The following DNM3 variants were observed in gnomAD, a reference collection of about 807,000 sequenced individuals.
DNM3 encodes the protein dynamin 3.
In DNM3, 47 loss-of-function variants were observed where a neutral mutation model predicts 101.6. That is an observed-to-expected ratio of 0.46 (90% confidence interval 0.37 to 0.59). The LOEUF (loss-of-function observed/expected upper bound fraction) is 0.59, where lower values mean the gene tolerates loss of function less well. DNM3 is among the 20% of genes least tolerant of loss of function. The pLI is 0.00. For missense variants in DNM3, 849 were observed against 1,085.7 expected, an observed-to-expected ratio of 0.78 and a Z score of 3.06; for synonymous variants, 385 against 387.9, an observed-to-expected ratio of 0.99 and a Z score of 0.09.
At chr1:172,145,762 T>C (rs2057860376) in intron 14 of DNM3, among the ~76,000 whole-genome samples, 1 of 152,172 alleles carries the variant, frequency 6.6e-6, no homozygotes, top group African/African-American at 2.4e-5. Context: ...TGTTTTTCAC[T>C]TGTAATTCCT....
chr1:171,932,668 G>A (rs2041121147), intron 2 of DNM3, among the ~76,000 whole-genome samples: 2 of 152,098 alleles, frequency 1.3e-5, no homozygotes, highest in Non-Finnish European at 2.9e-5. Flanking sequence ...AAAAGCCGTT[G>A]CATTTTAAAC....
intron 1 of DNM3, among the ~76,000 whole-genome samples, chr1:171,858,495 G>A (rs1048964963): frequency 2.6e-5 from 4 of 152,068 alleles, no homozygotes; most frequent in Non-Finnish European, 5.9e-5. Context: ...TTGAAAAAAA[G>A]GATTATGATA....
chr1:172,307,194 AAAC>A (rs1293828979), intron 15 of DNM3, among the ~76,000 whole-genome samples: 1 of 152,208 alleles, frequency 6.6e-6, no homozygotes, highest in Non-Finnish European at 1.5e-5. Context: ...AAAAATAAAC[AAAC>A]AACCCCATCA....
intron 17 of DNM3, among the ~76,000 whole-genome samples, chr1:172,373,763 G>A (rs1228870876): frequency 6.6e-6 from 1 of 151,902 alleles, no homozygotes; most frequent in African/African-American, 2.4e-5. Context: ...TCAGAAGAAT[G>A]AGAGAGAGAA....
At chr1:172,163,067 G>A (rs1204791325) in intron 14 of DNM3, among the ~76,000 whole-genome samples, 1 of 151,798 alleles carries the variant, frequency 6.6e-6, no homozygotes. Flanking sequence ...ATCTATTTAA[G>A]GTGTACAATG....
At chr1:172,191,983 T>C (rs1359502742) in intron 14 of DNM3, among the ~76,000 whole-genome samples, 1 of 152,022 alleles carries the variant, frequency 6.6e-6, no homozygotes, top group Admixed American at 6.6e-5. Flanking sequence ...GAATACTCCT[T>C]ATTTCTTTCT....
intron 1 of DNM3, among the ~76,000 whole-genome samples, chr1:171,897,624 T>C (rs2037928578): frequency 6.6e-6 from 1 of 152,220 alleles, no homozygotes; most frequent in Admixed American, 6.5e-5. Context: ...CCATAGTGAA[T>C]GCTTAATGAA....
intron 14 of DNM3, among the ~76,000 whole-genome samples, chr1:172,213,405 G>T (rs1260814259): frequency 6.6e-6 from 1 of 151,162 alleles, no homozygotes; most frequent in Non-Finnish European, 1.5e-5. Context: ...TCTTGATCTG[G>T]ATGTGGGTTA....
At chr1:172,300,410 A>G (rs1014482068) in intron 15 of DNM3, among the ~76,000 whole-genome samples, 2 of 152,032 alleles carry the variant, frequency 1.3e-5, no homozygotes, top group Non-Finnish European at 2.9e-5. Flanking sequence ...CCCTCTTGTC[A>G]ATTTTTATTT....
chr1:171,845,528 T>G (rs371289039), intron 1 of DNM3, among the ~76,000 whole-genome samples: 14 of 152,250 alleles, frequency 9.2e-5, no homozygotes, highest in African/African-American at 3.4e-4. Context: ...CACTCCGGCA[T>G]GGCTGATAGA....
chr1:172,226,706 A>G, intron 14 of DNM3, among the ~76,000 whole-genome samples: 1 of 152,178 alleles, frequency 6.6e-6, no homozygotes, highest in East Asian at 1.9e-4. Flanking sequence ...AACCAATGTT[A>G]ACTATTATTA....
chr1:172,265,603 T>G (rs962801968), intron 15 of DNM3, among the ~76,000 whole-genome samples: 1 of 152,210 alleles, frequency 6.6e-6, no homozygotes, highest in Non-Finnish European at 1.5e-5. Context: ...ACTCCTAAAG[T>G]TCACTGTGGC....
chr1:171,944,478 C>T (rs893738337), intron 2 of DNM3, among the ~76,000 whole-genome samples: 1 of 151,570 alleles, frequency 6.6e-6, no homozygotes, highest in Non-Finnish European at 1.5e-5. Flanking sequence ...CAGGCTCAAG[C>T]TATCCTCCCA....
chr1:171,910,373 T>C (rs2039197310), intron 1 of DNM3, among the ~76,000 whole-genome samples: 2 of 152,250 alleles, frequency 1.3e-5, no homozygotes, highest in Admixed American at 1.3e-4. Context: ...CATTCTGCTT[T>C]GTCCCACATG....
At chr1:171,988,894 ATCTTTTAGCAT>A (rs2045454113) in intron 3 of DNM3, 40 bp from the exon 4 acceptor site, 2 of 1,464,866 alleles carry the variant, frequency 1.4e-6, no homozygotes, top group Non-Finnish European at 1.9e-6. Flanking sequence ...CTGTATTGTT[ATCTTTTAGCAT>A]TGAAGGTGTA....
chr1:171,866,921 T>C (rs1376117626), intron 1 of DNM3, among the ~76,000 whole-genome samples: 2 of 152,238 alleles, frequency 1.3e-5, no homozygotes, highest in Non-Finnish European at 2.9e-5. Context: ...TAGGTATCAC[T>C]GTCAAAGCAG....
intron 15 of DNM3, among the ~76,000 whole-genome samples, chr1:172,256,347 T>A (rs1237289359): frequency 6.6e-6 from 1 of 152,050 alleles, no homozygotes; most frequent in Non-Finnish European, 1.5e-5. Context: ...GTATTTTTGG[T>A]AAGTAGGCTT....
At chr1:172,179,212 G>T (rs967727567) in intron 14 of DNM3, among the ~76,000 whole-genome samples, 2 of 151,922 alleles carry the variant, frequency 1.3e-5, no homozygotes, top group African/African-American at 2.4e-5. Flanking sequence ...TGTGGACTGT[G>T]ATCTACATGT....
intron 14 of DNM3, among the ~76,000 whole-genome samples, chr1:172,160,126 A>C (rs140030134): frequency 0.011 from 1,676 of 151,986 alleles, 23 homozygotes; most frequent in African/African-American, 0.038. Flanking sequence ...TCAGGACTGG[A>C]AGTTACCCTG....
Sources: allele counts gnomAD v4.1 joint callset (sites outside exome capture counted in the v4.1 genomes callset), GRCh38; gene constraint gnomAD v4.1.1; transcripts MANE v1.5; gene names NCBI Gene and HGNC (gene_info 2026-07-23, HGNC 2026-07-21).